NCOR1: variants seen among roughly 807,000 people sequenced by gnomAD.
NCOR1 encodes protein phosphatase 1, regulatory subunit 109.
In NCOR1, 63 loss-of-function variants were observed where a neutral mutation model predicts 288.1. That is an observed-to-expected ratio of 0.22 (90% CI 0.18 to 0.27). NCOR1 has a LOEUF of 0.27. Ranked by LOEUF, NCOR1 falls within the 10% of genes least tolerant of loss-of-function variation. The pLI is 1.00. For synonymous variants in NCOR1, 1,007 were observed against 1,065.9 expected (o/e 0.94, Z 1.08); for missense variants, 2,397 against 3,019.2 (o/e 0.79, Z 4.83).
chr17:16,121,420 C>T (rs1018442468), intron 15 of NCOR1, 151 bp from the exon 16 acceptor site: 5 of 641,200 alleles, frequency 7.8e-6, no homozygotes, highest in Admixed American at 7.5e-5. Flanking sequence ...TTCTGCCATA[C>T]CATAGTTTTT....
chr17:16,147,832 T>C (rs2078225989), intron 9 of NCOR1, among the ~76,000 whole-genome samples: 1 of 152,232 alleles, frequency 6.6e-6, no homozygotes, highest in Non-Finnish European at 1.5e-5. Flanking sequence ...ATTCTTTTTT[T>C]TTTGGAACCA....
chr17:16,114,759 C>T (rs1026663388), intron 18 of NCOR1, among the ~76,000 whole-genome samples: 1 of 152,240 alleles, frequency 6.6e-6, no homozygotes, highest in African/African-American at 2.4e-5. Flanking sequence ...TCTTGGGCAG[C>T]TCCAATCCTG....
At chr17:16,073,670 T>C in intron 27 of NCOR1, 101 bp from the exon 28 acceptor site, 10 of 967,896 alleles carry the variant, frequency 1.0e-5, no homozygotes, top group Non-Finnish European at 1.4e-5. Context: ...AATAATAATA[T>C]TAAAACTTGT....
At chr17:16,147,115 TA>T (rs36045813) in intron 9 of NCOR1, among the ~76,000 whole-genome samples, 1 of 152,116 alleles carries the variant, frequency 6.6e-6, no homozygotes, top group African/African-American at 2.4e-5. Flanking sequence ...TGCTTTATCA[TA>T]AAAAGAAATC....
chr17:16,077,250 A>C (rs932386810), intron 26 of NCOR1, among the ~76,000 whole-genome samples: 1 of 149,820 alleles, frequency 6.7e-6, no homozygotes, highest in Non-Finnish European at 1.5e-5. Flanking sequence ...TACAAAAATT[A>C]GCCAGGCACG....
intron 20 of NCOR1, among the ~76,000 whole-genome samples, chr17:16,100,605 C>T (rs987020065): frequency 6.6e-6 from 1 of 152,188 alleles, no homozygotes; most frequent in African/African-American, 2.4e-5. Flanking sequence ...CGTGTCATTG[C>T]ACTCCAGCCT....
At chr17:16,138,743 T>A (rs2076779567) in intron 12 of NCOR1, among the ~76,000 whole-genome samples, 1 of 152,216 alleles carries the variant, frequency 6.6e-6, no homozygotes, top group Admixed American at 6.5e-5. Flanking sequence ...CTGTACTTTA[T>A]AAAAGCTCCC....
At chr17:16,127,369 G>A (rs62650875) in intron 14 of NCOR1, among the ~76,000 whole-genome samples, 6,400 of 31,760 alleles carry the variant, frequency 0.2, 2,748 homozygotes, top group African/African-American at 0.4. Context: ...ATATATACAT[G>A]TATGTATATA....
chr17:16,032,162 T>G lies in NCOR1; in HGVS notation c.*134A>C. On this transcript the variant is annotated 3_prime_UTR_variant, in exon 46 of 46. Coordinates refer to ENST00000268712, the MANE Select transcript of NCOR1 (RefSeq NM_006311.4). ...ATGAACTTCCATCATTTCTTCATCA[T>G]CTGTGGGCTGGCTCTCCTGAAAAGT... is the stretch of plus-strand genomic sequence containing the variant. 1 of 876,486 alleles carries G rather than the reference T, an allele frequency of 1.1e-6. No homozygotes were observed. Among genetic ancestry groups the G allele is most frequent in the Non-Finnish European group, 1.6e-6 (1 of 609,826 alleles). The allele number at this position is 876,486 out of a possible 1,614,324, so 54.3% of individuals were successfully genotyped here. A position where few individuals can be genotyped will look rare whatever the true frequency, so the allele number is the denominator to read the frequency against.
At position 16,046,772 on chromosome 17, in the gene NCOR1, C is replaced by T. The variant is rs553571737; in HGVS notation, c.6679+179G>A. The T allele has an allele frequency of 9.7e-6, 6 of 621,162 alleles. No homozygotes were observed. The East Asian group carries it at 2.0e-4, about 20-fold the overall frequency. 38.5% of individuals were successfully genotyped at this position (621,162 alleles called of 1,614,324 possible). On this transcript the variant is annotated intron_variant, in intron 42 of 45. Transcript: ENST00000268712. ...GCTTCAGAAAGGAGCGAACTCCTGCCTCCTAATTAGAACTCTTCATGGGCT... is the reference window on the plus strand; with the variant it reads ...GCTTCAGAAAGGAGCGAACTCCTGCTTCCTAATTAGAACTCTTCATGGGCT...
At chr17:16,137,444 TC>T in intron 13 of NCOR1, 32 bp from the exon 14 acceptor site, 1 of 1,205,432 alleles carries the variant, frequency 8.3e-7, no homozygotes, top group Non-Finnish European at 1.1e-6. Context: ...TTTTTGAGGA[TC>T]CAATGAAATA....
chr17:16,118,492 A>G (rs577219575), intron 17 of NCOR1, among the ~76,000 whole-genome samples: 1 of 152,378 alleles, frequency 6.6e-6, no homozygotes, highest in East Asian at 1.9e-4. Context: ...AAGCAATGCC[A>G]TCAGAAAAAT....
intron 14 of NCOR1, among the ~76,000 whole-genome samples, chr17:16,132,288 A>G (rs2075765831): frequency 6.6e-6 from 1 of 152,244 alleles, no homozygotes; most frequent in Non-Finnish European, 1.5e-5. Context: ...GTAACTAGCA[A>G]GTACCACAGT....
At position 16,031,670 on chromosome 17, in the gene NCOR1, A is replaced by G. The variant is rs1345853262; in HGVS notation, c.*626T>C. On this transcript the variant is annotated 3_prime_UTR_variant, in exon 46 of 46. Transcript: ENST00000268712. ...CAGAATTTGTTACTTTTACCTTTTG[A>G]CCCTAATGTACAGATTTTATGACAG... is the stretch of plus-strand genomic sequence containing the variant. 4.4e-6 allele frequency: 1 copy of G among 227,054 alleles called. No individual in the cohort carries two copies. The highest frequency in any genetic ancestry group is 8.8e-6 in the Non-Finnish European group (1 of 114,282). 14.1% of individuals were successfully genotyped at this position (227,054 alleles called of 1,614,324 possible).
rs927584857 is a variant in NCOR1, at chr17:16,048,970, T to C, written c.6411A>G (p.Pro2137=). The change falls in exon 41 of 46, where the codon CCA becomes CCG. Residue 2137 remains proline (P), a synonymous_variant. Transcript: ENST00000268712. ...GCTCCGAAGAGACGTGACTCCTCTCTGGGGATTTTCCAGGCCTACTATTGT... is the reference window on the plus strand; with the variant it reads ...GCTCCGAAGAGACGTGACTCCTCTCCGGGGATTTTCCAGGCCTACTATTGT... ...KSRGSRPGKS[P]ERSHVSSEPY... 1 of 1,610,424 alleles carries C rather than the reference T, an allele frequency of 6.2e-7. No individual in the cohort carries two copies. Among genetic ancestry groups the C allele is most frequent in the African/African-American group, 1.3e-5 (1 of 74,802 alleles).
intron 34 of NCOR1, among the ~76,000 whole-genome samples, chr17:16,064,417 T>G (rs957606060): frequency 1.3e-5 from 2 of 151,800 alleles, no homozygotes; most frequent in Non-Finnish European, 2.9e-5. Context: ...CTGGGCAACA[T>G]AGTGAGACCC....
At chr17:16,151,385 A>G (rs954133482) in intron 8 of NCOR1, among the ~76,000 whole-genome samples, 1 of 152,200 alleles carries the variant, frequency 6.6e-6, no homozygotes, top group Non-Finnish European at 1.5e-5. Context: ...AAGGTGACTG[A>G]GCGCTTCCAA....
chr17:16,199,248 C>T (rs1041505465), intron 1 of NCOR1, among the ~76,000 whole-genome samples: 2 of 140,372 alleles, frequency 1.4e-5, no homozygotes, highest in Non-Finnish European at 3.1e-5. Flanking sequence ...CACACACTAG[C>T]AAAATCAGGA....
chr17:16,148,679 AAAAAAAAAAAAC>A (rs1469481045), intron 9 of NCOR1, among the ~76,000 whole-genome samples: 1 of 149,720 alleles, frequency 6.7e-6, no homozygotes, highest in African/African-American at 2.4e-5. Flanking sequence ...AAAAAAAAAA[AAAAAAAAAAAAC>A]AACTCAAGAC....
Sources: allele counts gnomAD v4.1 joint callset (sites outside exome capture counted in the v4.1 genomes callset), GRCh38; gene constraint gnomAD v4.1.1; transcripts MANE v1.5; gene names NCBI Gene and HGNC (gene_info 2026-07-23, HGNC 2026-07-21).